CFAP65: variants seen among roughly 807,000 people sequenced by gnomAD.
CFAP65 encodes cilia and flagella associated protein 65.
Under a neutral mutation model 208.0 loss-of-function variants are expected in CFAP65, and 155 were observed. That is an observed-to-expected ratio of 0.75 (90% CI 0.65 to 0.85). The LOEUF (loss-of-function observed/expected upper bound fraction) is 0.85. Ranked by LOEUF, CFAP65 falls within the 40% of genes least tolerant of loss-of-function variation. The pLI is 0.00. For synonymous variants in CFAP65, 970 were observed against 986.3 expected, an observed-to-expected ratio of 0.98 and a Z score of 0.31; for missense variants, 2,294 against 2,451.3, an observed-to-expected ratio of 0.94 and a Z score of 1.36.
intron 11 of CFAP65, 36 bp downstream of exon 11, chr2:219,029,367 C>T (rs1947861829): frequency 6.3e-7 from 1 of 1,593,010 alleles, no homozygotes; most frequent in Non-Finnish European, 8.6e-7. Flanking sequence ...AGGGGAGCCC[C>T]TCCTCCCTCA....
chr2:219,012,455 C>T (rs1173459056), intron 24 of CFAP65, among the ~76,000 whole-genome samples: 1 of 152,224 alleles, frequency 6.6e-6, no homozygotes, highest in African/African-American at 2.4e-5. Context: ...TGGAAGTGAA[C>T]AGAGTTGGGG....
At chr2:219,009,619 A>ATGGGATGGGACAAGATGGAATGGG (rs1335157517) in intron 27 of CFAP65, among the ~76,000 whole-genome samples, 159 bp from the exon 28 acceptor site, 9 of 101,166 alleles carry the variant, frequency 8.9e-5, no homozygotes, top group African/African-American at 5.2e-4. Context: ...GACAAGATGG[A>ATGGGATGGGACAAGATGGAATGGG]ATGGGATGGG....
Position 219,030,849 on chromosome 2 carries a change from G to T in CFAP65, c.1016-15C>A, listed in dbSNP as rs1169753470. 36 of 1,609,394 alleles carry T rather than the reference G, an allele frequency of 2.2e-5. No homozygotes were observed. The highest frequency in any genetic ancestry group is 2.9e-5 in the Non-Finnish European group (34 of 1,177,282). On this transcript the variant is annotated splice_polypyrimidine_tract_variant and intron_variant, in intron 8 of 34. Coordinates refer to ENST00000341552, the MANE Select transcript of CFAP65 (RefSeq NM_194302.4). ...GGCGCACTTGGCTGGGGCAGAGATG[G>T]GGGAGTCTTGGGGGAACCCACCAGG...
rs753052024 is a variant in CFAP65 at position 219,004,384 on chromosome 2, C to T, written c.5123G>A (p.Arg1708His). 6.8e-6 allele frequency: 11 copies of T among 1,613,894 alleles called. No homozygotes were observed. The highest frequency in any genetic ancestry group is 1.3e-5 in the African/African-American group (1 of 74,900). ...QSLVEQVPYF[R>H]QFWNEQSTKF... ...AGTTGACTGCTCATTCCAGAATTGG[C>T]GGAAGTACGGCACCTGCTCCACCAG... The change falls in exon 33 of 35, where the codon CGC becomes CAC. Residue 1708 changes from arginine to histidine, a missense_variant. This residue lies in a region of CFAP65 where 1,427 missense variants were observed against 1,438.7 expected (regional missense o/e 0.99). Transcript: ENST00000341552. The surrounding 1 kb of genome is among the most constrained non-coding windows in gnomAD (Gnocchi z 4.7).
At chr2:219,011,264 T>C (rs1427686252) in intron 24 of CFAP65, among the ~76,000 whole-genome samples, 1 of 149,784 alleles carries the variant, frequency 6.7e-6, no homozygotes, top group African/African-American at 2.5e-5. Context: ...TTTTTTCTTT[T>C]TCTTTCTTTT....
chr2:219,041,222 G>A (rs1948639146), intron 1 of CFAP65, among the ~76,000 whole-genome samples: 1 of 152,190 alleles, frequency 6.6e-6, no homozygotes, highest in African/African-American at 2.4e-5. Context: ...AAAGTGGCAG[G>A]TCGTCGTATA....
chr2:219,022,293 T>C lies in CFAP65; in HGVS notation c.2857A>G (p.Lys953Glu), dbSNP rs757048587. The C allele has an allele frequency of 4.4e-6, 7 of 1,607,722 alleles. No individual in the cohort carries two copies. The highest frequency in any genetic ancestry group is 5.9e-6 in the Non-Finnish European group (7 of 1,177,322). ...TWTFSPLEET[K>E]YLFQVGMWVW... ...CACATCCCCACTTGGAACAGGTACTTGGTCTCCTCCAAAGGGCTGAAGGTC... is the reference window on the plus strand; with the variant it reads ...CACATCCCCACTTGGAACAGGTACTCGGTCTCCTCCAAAGGGCTGAAGGTC... Residue 953 changes from lysine (K) to glutamate (E), a missense_variant, in exon 17 of 35, where the codon AAG becomes GAG. Lys to Glu is a moderately conservative substitution (Grantham distance 56). Coordinates refer to ENST00000341552, the MANE Select transcript of CFAP65 (RefSeq NM_194302.4).
At position 219,040,333 on chromosome 2, in the gene CFAP65, C is replaced by T. The variant is rs959085598; in HGVS notation, c.-3+186G>A. 2.0e-5 allele frequency among the ~76,000 whole-genome samples: 3 copies of T among 152,256 alleles called. No homozygotes were observed. The East Asian group carries it at 5.8e-4, about 29-fold the overall frequency. ...TCCATCAGACACTCTCTTATCCCTCCCCCACCACCCACCAACACCCTTCCA... is the reference window on the plus strand; with the variant it reads ...TCCATCAGACACTCTCTTATCCCTCTCCCACCACCCACCAACACCCTTCCA... On this transcript the variant is annotated intron_variant, in intron 2 of 34. Coordinates refer to ENST00000341552, the MANE Select transcript of CFAP65 (RefSeq NM_194302.4).
rs532427599 is a variant in CFAP65, at chr2:219,033,748, C to T, written c.543-1176G>A. The T allele has an allele frequency of 2.0e-5, 3 of 152,160 alleles. No individual in the cohort carries two copies. The East Asian group carries it at 5.8e-4, about 29-fold the overall frequency. 9.4% of individuals were successfully genotyped at this position (152,160 alleles called of 1,614,324 possible). A position where few individuals can be genotyped will look rare whatever the true frequency, so the allele number is the denominator to read the frequency against. On this transcript the variant is annotated intron_variant, in intron 5 of 34. Transcript: ENST00000341552. ...GAGATGATAAACAAAACAAAGATGC[C>T]TCTATAACCACTTCTGTTCAACACT...
At chr2:219,026,676 G>T in intron 13 of CFAP65, 1 of 425,170 alleles carries the variant, frequency 2.4e-6, no homozygotes, top group Non-Finnish European at 3.1e-6. Context: ...AATCCAGGGT[G>T]CATTTTACAC....
At chr2:219,035,383 TA>T in intron 5 of CFAP65, 96 bp downstream of exon 5, 2 of 1,607,770 alleles carry the variant, frequency 1.2e-6, no homozygotes, top group Non-Finnish European at 1.7e-6. Flanking sequence ...TATGGCATGT[TA>T]AAGGTTTTTT....
chr2:219,028,284 A>T lies in CFAP65; in HGVS notation c.1768T>A (p.Tyr590Asn). ...RTHLARGLTL[Y>N]PPDILDAMLK... ...ATGGCATCCAGGATGTCAGGGGGGT[A>T]GAGCGTCAGGCCCCGGGCCAGGTGT... The change falls in exon 12 of 35, where the codon TAC (tyrosine) becomes AAC (asparagine). Residue 590 changes from tyrosine to asparagine, a missense_variant. By Grantham distance (143) the Tyr-to-Asn change is moderately radical. This residue lies in a region of CFAP65 where 867 missense variants were observed against 1,012.6 expected (regional missense o/e 0.86). Transcript: ENST00000341552. 8.7e-6 allele frequency: 14 copies of T among 1,614,052 alleles called. No homozygotes were observed. The highest frequency in any genetic ancestry group is 1.2e-5 in the Non-Finnish European group (14 of 1,180,002).
At chr2:219,014,141 A>G in intron 21 of CFAP65, 97 bp from the exon 22 acceptor site, 1 of 1,100,828 alleles carries the variant, frequency 9.1e-7, no homozygotes, top group Non-Finnish European at 1.3e-6. Context: ...GGCTTCTTCC[A>G]TGACTCCCGC....
At position 219,024,025 on chromosome 2, in the gene CFAP65, T is replaced by G. The variant is rs373770290; in HGVS notation, c.2585A>C (p.Gln862Pro). 6.2e-7 allele frequency: 1 copy of G among 1,613,424 alleles called. No homozygotes were observed. The highest frequency in any genetic ancestry group is 1.3e-5 in the African/African-American group (1 of 75,060). The change falls in exon 15 of 35, where the codon CAG (glutamine) becomes CCG (proline). Residue 862 changes from glutamine (Q) to proline (P), a missense_variant. Around this residue, in one of 2 missense-constraint regions of CFAP65, gnomAD observed 1,427 missense variants for 1,438.7 expected, o/e 0.99. Coordinates refer to ENST00000341552, the MANE Select transcript of CFAP65 (RefSeq NM_194302.4). Reference protein sequence around the residue: ...TFYLQCNASPQYLKEVSMYSR... With the variant: ...TFYLQCNASPPYLKEVSMYSR... ...CCCTCTGCCTCCTACCTTGAGATAC[T>G]GGGGGGAAGCATTGCACTGCAGATA...
Position 219,030,176 on chromosome 2 carries a change from C to A in CFAP65, c.1194G>T (p.Pro398=). Residue 398 remains proline (P), a synonymous_variant, in exon 10 of 35, where the codon CCG becomes CCT. Coordinates refer to ENST00000341552, the MANE Select transcript of CFAP65 (RefSeq NM_194302.4). ...AGGCCTGGTCTTCGGCCAGTTCATC[C>A]GGGGAAATTTCAATCCTGAAGGGGG... ...VNAPFRIEIS[P]DELAEDQAFS... is the part of the protein sequence containing the mutation. 6.2e-7 allele frequency: 1 copy of A among 1,614,094 alleles called. No individual in the cohort carries two copies. The highest frequency in any genetic ancestry group is 8.5e-7 in the Non-Finnish European group (1 of 1,180,020).
intron 24 of CFAP65, among the ~76,000 whole-genome samples, chr2:219,012,960 A>G (rs1429238206): frequency 1.3e-5 from 2 of 152,252 alleles, no homozygotes; most frequent in Non-Finnish European, 2.9e-5. Flanking sequence ...ATAACATCAA[A>G]TATATTAGTA....
In CFAP65 at chr2:219,004,312, G is replaced by A. The variant is rs747147500; in HGVS notation, c.5195C>T (p.Pro1732Leu). 1.2e-6 allele frequency: 2 copies of A among 1,614,132 alleles called. No individual in the cohort carries two copies. Among genetic ancestry groups the A allele is most frequent in the South Asian group, 2.2e-5 (2 of 91,076 alleles). The change falls in exon 33 of 35, where the codon CCT becomes CTT. Residue 1732 changes from proline (P) to leucine (L), a missense_variant. Transcript: ENST00000341552. This position sits in a 1 kb window ranked among gnomAD's most constrained non-coding sequence, Gnocchi z 4.7. ...ATCCTCCCAGCTGCTGGAGGGTACA[G>A]GCAGGATTGGCATTAAGTACAGGCT... ...KNSLYLMPIL[P>L]VPSSSWEDGK...
chr2:219,014,170 G>T, intron 21 of CFAP65, 126 bp from the exon 22 acceptor site: 2 of 771,736 alleles, frequency 2.6e-6, no homozygotes, highest in Non-Finnish European at 3.9e-6. Context: ...CACCCATTTG[G>T]CAAACTGTCC....
intron 21 of CFAP65, chr2:219,014,759 A>ATG (rs1946734922): frequency 6.5e-6 from 1 of 153,022 alleles, no homozygotes; most frequent in African/African-American, 2.4e-5. Flanking sequence ...AAAGCGCACA[A>ATG]CGCACACCTG....
Sources: allele counts gnomAD v4.1 joint callset (sites outside exome capture counted in the v4.1 genomes callset), GRCh38; gene constraint gnomAD v4.1.1; regional missense constraint gnomAD v4.1.1; non-coding constraint Gnocchi (gnomAD v3.1); transcripts MANE v1.5; gene names NCBI Gene and HGNC (gene_info 2026-07-23, HGNC 2026-07-21).